Variants in JAK2 observed in about 807,000 individuals in gnomAD.
JAK2 encodes Janus kinase 2.
JAK2 carries 86 observed loss-of-function variants against 139.3 expected under a neutral mutation model. The observed-to-expected ratio is 0.62, with a 90% CI of 0.52 to 0.74. The LOEUF (loss-of-function observed/expected upper bound fraction) is 0.74, where lower values mean the gene tolerates loss of function less well. Ranked by LOEUF, JAK2 falls within the 30% of genes least tolerant of loss-of-function variation. The pLI is 0.00. For synonymous variants in JAK2, 490 were observed against 437.7 expected, an observed-to-expected ratio of 1.12 and a Z score of -1.49; for missense variants, 1,421 against 1,360.3, an observed-to-expected ratio of 1.04 and a Z score of -0.70.
chr9:5,014,156 T>C (rs1448398145), intron 2 of JAK2, among the ~76,000 whole-genome samples: 3 of 151,316 alleles, frequency 2.0e-5, no homozygotes, highest in Non-Finnish European at 4.4e-5. Context: ...AACTTTTATT[T>C]ACTCTTTCTT....
chr9:5,123,504 G>C (rs1356736655), intron 23 of JAK2, among the ~76,000 whole-genome samples: 1 of 151,958 alleles, frequency 6.6e-6, no homozygotes, highest in Non-Finnish European at 1.5e-5. Context: ...TGGCTGAATA[G>C]TATTCCATTT....
chr9:5,063,137 C>T (rs1215477006), intron 8 of JAK2, among the ~76,000 whole-genome samples: 1 of 152,174 alleles, frequency 6.6e-6, no homozygotes, highest in East Asian at 1.9e-4. Flanking sequence ...TCTGTGTTCT[C>T]TTTATGATTA....
At chr9:5,107,124 C>G (rs183596425) in intron 22 of JAK2, among the ~76,000 whole-genome samples, 25 of 152,190 alleles carry the variant, frequency 1.6e-4, no homozygotes, top group African/African-American at 5.8e-4. Flanking sequence ...TATGACTATT[C>G]TTATATGTCT....
At chr9:5,098,587 C>T (rs2130731205) in intron 22 of JAK2, 1 of 152,240 alleles carries the variant, frequency 6.6e-6, no homozygotes, top group African/African-American at 2.4e-5. Flanking sequence ...CCTACGTATT[C>T]TGTATAAAAC....
At chr9:5,025,696 C>A (rs756662379) in intron 3 of JAK2, among the ~76,000 whole-genome samples, 1 of 152,054 alleles carries the variant, frequency 6.6e-6, no homozygotes, top group Non-Finnish European at 1.5e-5. Flanking sequence ...CCACACCCAG[C>A]TAATTTTTGT....
chr9:4,989,920 T>G (rs965246099), intron 2 of JAK2, among the ~76,000 whole-genome samples: 1 of 152,212 alleles, frequency 6.6e-6, no homozygotes, highest in Non-Finnish European at 1.5e-5. Flanking sequence ...GACCTGTAGA[T>G]ATGGAGAAGC....
At chr9:4,995,716 A>C (rs563682756) in intron 2 of JAK2, among the ~76,000 whole-genome samples, 2 of 152,366 alleles carry the variant, frequency 1.3e-5, no homozygotes, top group African/African-American at 4.8e-5. Flanking sequence ...CTTGAAAATA[A>C]AATGAATAAA....
intron 22 of JAK2, chr9:5,099,216 A>G (rs1821270942): frequency 6.6e-6 from 1 of 152,214 alleles, no homozygotes; most frequent in Admixed American, 6.5e-5. Flanking sequence ...CTGGGCGACC[A>G]GGTCTTTACT....
intron 22 of JAK2, chr9:5,099,487 A>C (rs1243047114): frequency 6.6e-6 from 1 of 152,232 alleles, no homozygotes; most frequent in South Asian, 2.1e-4. Context: ...AGTTAAAATT[A>C]TTAAATTTCA....
chr9:5,091,885 T>G (rs990115652), intron 22 of JAK2, among the ~76,000 whole-genome samples: 3 of 152,228 alleles, frequency 2.0e-5, no homozygotes, highest in Admixed American at 1.3e-4. Context: ...GTAAGAGACC[T>G]AGGGTGGTTA....
intron 3 of JAK2, among the ~76,000 whole-genome samples, chr9:5,023,924 G>C (rs527328639): frequency 6.6e-6 from 1 of 151,670 alleles, no homozygotes; most frequent in East Asian, 1.9e-4. Context: ...TTTTTAGCTT[G>C]TAAGATATTT....
intron 3 of JAK2, among the ~76,000 whole-genome samples, chr9:5,027,654 G>C (rs1822864878): frequency 6.6e-6 from 1 of 152,170 alleles, no homozygotes; most frequent in Non-Finnish European, 1.5e-5. Context: ...TTTGAAAATA[G>C]GAAGTTGATT....
chr9:5,126,966 A>G lies in JAK2; in HGVS notation c.*175A>G. 1 of 384,794 alleles carries G rather than the reference A, an allele frequency of 2.6e-6. No homozygotes were observed. The highest frequency in any genetic ancestry group is 5.7e-5 in the South Asian group (1 of 17,442). The allele number at this position is 384,794 out of a possible 1,614,324, so 23.8% of individuals were successfully genotyped here. On this transcript the variant is annotated 3_prime_UTR_variant, in exon 25 of 25. Transcript: ENST00000381652. ...AAAGTTTAGTAAGTTTTTCTTCATG[A>G]GGCCACCAGTAAAAGACATTAATGA...
intron 4 of JAK2, among the ~76,000 whole-genome samples, chr9:5,043,593 C>T (rs550639502): frequency 6.6e-6 from 1 of 152,184 alleles, no homozygotes; most frequent in Non-Finnish European, 1.5e-5. Flanking sequence ...AATTCTACTT[C>T]TAGATATATA....
At chr9:5,122,936 T>A in intron 22 of JAK2, 68 bp from the exon 23 acceptor site, 1 of 940,968 alleles carries the variant, frequency 1.1e-6, no homozygotes, top group Non-Finnish European at 1.6e-6. Context: ...TATACAATGA[T>A]TTGCAGGTAA....
intron 2 of JAK2, among the ~76,000 whole-genome samples, chr9:4,996,057 A>T (rs1040534473): frequency 6.6e-6 from 1 of 152,226 alleles, no homozygotes; most frequent in African/African-American, 2.4e-5. Context: ...GTCATTTGAG[A>T]TTGGAACCAT....
rs545550951 is a variant in JAK2, at chr9:5,050,619, T to A, written c.469-67T>A. On this transcript the variant is annotated intron_variant, in intron 5 of 24. Transcript: ENST00000381652. ...TGTTCTGAAAATTATGATTAAAATA[T>A]AATCATAGATTAAAACATGATAATG... is the stretch of plus-strand genomic sequence containing the variant. 3.5e-5 allele frequency: 51 copies of A among 1,445,914 alleles called. No individual in the cohort carries two copies. The East Asian group carries it at 1.1e-3, about 32-fold the overall frequency. The allele number at this position is 1,445,914 out of a possible 1,614,324, so 89.6% of individuals were successfully genotyped here.
chr9:4,989,578 G>C (rs1244888016), intron 2 of JAK2, among the ~76,000 whole-genome samples: 1 of 152,152 alleles, frequency 6.6e-6, no homozygotes, highest in Non-Finnish European at 1.5e-5. Flanking sequence ...AAGGTACTTG[G>C]CTGTATTCAA....
chr9:5,003,579 CTT>C (rs1821067606), intron 2 of JAK2, among the ~76,000 whole-genome samples: 1 of 152,010 alleles, frequency 6.6e-6, no homozygotes, highest in African/African-American at 2.4e-5. Context: ...CATCTTGTGA[CTT>C]TGCTAAATTC....
Sources: allele counts gnomAD v4.1 joint callset (sites outside exome capture counted in the v4.1 genomes callset), GRCh38; gene constraint gnomAD v4.1.1; transcripts MANE v1.5; gene names NCBI Gene and HGNC (gene_info 2026-07-23, HGNC 2026-07-21).